EIF2AK4: variants seen among roughly 807,000 people sequenced by gnomAD.
The protein encoded by EIF2AK4 is eukaryotic translation initiation factor 2 alpha kinase 4, also known as eIF-2-alpha kinase GCN2.
A neutral mutation model predicts 211.1 loss-of-function variants in EIF2AK4; 139 were observed. The observed-to-expected ratio is 0.66, with a 90% CI of 0.57 to 0.76. EIF2AK4 has a LOEUF of 0.76. Among genes scored for constraint, EIF2AK4 ranks in the 30% least tolerant of loss-of-function variants. The pLI, the probability that EIF2AK4 is intolerant of heterozygous loss-of-function variation, is 0.00. For missense variants in EIF2AK4, 1,664 were observed against 2,043.8 expected (o/e 0.81, Z 3.58); for synonymous variants, 710 against 751.3 (o/e 0.94, Z 0.90).
At chr15:39,992,470 T>C in intron 17 of EIF2AK4, 2 of 535,382 alleles carry the variant, frequency 3.7e-6, no homozygotes, top group South Asian at 5.6e-5. Flanking sequence ...GGTAGACAGT[T>C]TTATTTTGTC....
At position 39,943,871 on chromosome 15, in the gene EIF2AK4, C is replaced by T. The variant is rs140560970; in HGVS notation, c.360+386C>T. 6.7e-3 allele frequency among the ~76,000 whole-genome samples: 1,013 copies of T among 152,092 alleles called. 7 individuals carry two copies. Among genetic ancestry groups the T allele is most frequent in the Admixed American group, 0.01 (158 of 15,274 alleles). On this transcript the variant is annotated intron_variant, in intron 3 of 38. Transcript: ENST00000263791. Reference sequence around the variant, plus strand: ...TCAGGAGGCTGAGGTGGGAGAATTGCGTGAGCCCAGGAGTTTGAGGTTACA... The same window carrying T: ...TCAGGAGGCTGAGGTGGGAGAATTGTGTGAGCCCAGGAGTTTGAGGTTACA...
At chr15:39,970,313 T>C (rs1253968990) in intron 9 of EIF2AK4, among the ~76,000 whole-genome samples, 1 of 152,228 alleles carries the variant, frequency 6.6e-6, no homozygotes, top group Non-Finnish European at 1.5e-5. Flanking sequence ...GCATTCTAGG[T>C]AGGCTGTAAC....
At chr15:39,992,259 A>T (rs771102747) in intron 17 of EIF2AK4, 30 bp downstream of exon 17, 2 of 1,577,276 alleles carry the variant, frequency 1.3e-6, no homozygotes, top group Admixed American at 3.5e-5. Context: ...TATTTCATCC[A>T]TGTGTTAAAG....
In EIF2AK4 at chr15:40,002,797, G is replaced by A. The variant is rs750428399; in HGVS notation, c.3235+9G>A. The stretch of plus-strand genomic sequence containing the variant: ...CATCTTTAAAAGACATGGTATGTAC[G>A]CCCTTTTTAAAAATGATATTTCTTC... On this transcript the variant is annotated intron_variant, in intron 22 of 38. Coordinates refer to ENST00000263791, the MANE Select transcript of EIF2AK4 (RefSeq NM_001013703.4). The A allele has an allele frequency of 2.0e-5, 32 of 1,613,580 alleles. No homozygotes were observed. Among genetic ancestry groups the A allele is most frequent in the Middle Eastern group, 1.6e-4 (1 of 6,084 alleles).
At position 40,002,473 on chromosome 15, in the gene EIF2AK4, G is replaced by A. The variant is rs2035106124; in HGVS notation, c.3160-240G>A. 3.1e-5 allele frequency: 14 copies of A among 445,950 alleles called. 1 individual carries two copies. In the South Asian group the frequency reaches 3.4e-4, roughly 11 times the overall value. 27.6% of individuals were successfully genotyped at this position (445,950 alleles called of 1,614,324 possible). A position where few individuals can be genotyped will look rare whatever the true frequency, so the allele number is the denominator to read the frequency against. On this transcript the variant is annotated intron_variant, in intron 21 of 38. Coordinates refer to ENST00000263791, the MANE Select transcript of EIF2AK4 (RefSeq NM_001013703.4). ...CAAATATCAATGTGGCCAAGAATTT[G>A]GACTTTGAACCCAGGCATCCTTCCC... is the stretch of plus-strand genomic sequence containing the variant.
At chr15:39,967,906 T>G (rs535253036) in intron 9 of EIF2AK4, 27 bp downstream of exon 9, 1 of 1,607,030 alleles carries the variant, frequency 6.2e-7, no homozygotes, top group Non-Finnish European at 8.5e-7. Flanking sequence ...TTCTCTCTAA[T>G]AGCACTTTAC....
At chr15:40,024,111 TTCA>T (rs1323844442) in intron 32 of EIF2AK4, among the ~76,000 whole-genome samples, 1 of 152,242 alleles carries the variant, frequency 6.6e-6, no homozygotes, top group Non-Finnish European at 1.5e-5. Flanking sequence ...ATGAATTGTC[TTCA>T]TCATTATAAA....
intron 4 of EIF2AK4, chr15:39,951,618 CG>C (rs1225223352): frequency 3.9e-6 from 1 of 253,998 alleles, no homozygotes; most frequent in African/African-American, 2.3e-5. Flanking sequence ...CTTGTGGTAA[CG>C]TCTAATTTCA....
At chr15:39,954,944 T>C (rs752435420) in intron 5 of EIF2AK4, among the ~76,000 whole-genome samples, 4 of 152,238 alleles carry the variant, frequency 2.6e-5, no homozygotes, top group Non-Finnish European at 4.4e-5. Flanking sequence ...TCTGTGACTC[T>C]CTTTACTTGT....
chr15:39,973,706 A>C lies in EIF2AK4; in HGVS notation c.1775A>C (p.Glu592Ala). 6.2e-7 allele frequency: 1 copy of C among 1,614,162 alleles called. No homozygotes were observed. The highest frequency in any genetic ancestry group is 8.5e-7 in the Non-Finnish European group (1 of 1,179,998). Residue 592 changes from glutamate (E) to alanine (A), a missense_variant, in exon 11 of 39, where the codon GAA becomes GCA. By Grantham distance (107) the Glu-to-Ala change is moderately radical (BLOSUM62 -1). Transcript: ENST00000263791. ...QFSRYFIEFE[E>A]LQLLGKGAFG... ...TCCCGATACTTCATTGAGTTTGAAG[A>C]ATTACAACTTCTTGGTAAAGGAGCT...
intron 37 of EIF2AK4, among the ~76,000 whole-genome samples, chr15:40,033,267 G>A (rs8042637): frequency 0.038 from 5,767 of 152,122 alleles, 376 homozygotes; most frequent in African/African-American, 0.13. Flanking sequence ...TAGCAGAATC[G>A]GTGTTCTTAA....
In EIF2AK4 at chr15:39,976,593, G is replaced by A. The variant is rs766423325; in HGVS notation, c.1998G>A (p.Gly666=). The A allele has an allele frequency of 1.2e-6, 2 of 1,610,110 alleles. No individual in the cohort carries two copies. The highest frequency in any genetic ancestry group is 2.2e-5 in the South Asian group (2 of 90,808). The change falls in exon 12 of 39, where the codon GGG becomes GGA. Residue 666 remains glycine (G), a synonymous_variant. Coordinates refer to ENST00000263791, the MANE Select transcript of EIF2AK4 (RefSeq NM_001013703.4). ...IERHERPAGP[G]TPPPDSGPLA... is the part of the protein sequence containing the mutation. The stretch of plus-strand genomic sequence containing the variant: ...GGCACGAGCGGCCGGCGGGACCGGG[G>A]ACGCCGCCCCCGGACTCCGGGCCCC...
At chr15:39,961,482 T>C (rs1462741989) in intron 6 of EIF2AK4, among the ~76,000 whole-genome samples, 2 of 152,226 alleles carry the variant, frequency 1.3e-5, no homozygotes, top group African/African-American at 4.8e-5. Context: ...AGCTGAATTT[T>C]CAGTTTTATT....
chr15:39,952,507 C>G (rs766802436), intron 4 of EIF2AK4, among the ~76,000 whole-genome samples: 1 of 152,126 alleles, frequency 6.6e-6, no homozygotes, highest in Non-Finnish European at 1.5e-5. Context: ...AACTCCTGGG[C>G]TCAACCAATC....
At chr15:39,993,292 A>G (rs1224456470) in intron 18 of EIF2AK4, among the ~76,000 whole-genome samples, 5 of 152,348 alleles carry the variant, frequency 3.3e-5, no homozygotes, top group Admixed American at 3.3e-4. Context: ...TGCCAGGAAC[A>G]GATGTGGCTC....
Position 39,972,933 on chromosome 15 carries a change from A to G in EIF2AK4, c.1579A>G (p.Arg527Gly). Residue 527 changes from arginine (R) to glycine (G), a missense_variant, in exon 10 of 39, where the codon AGA becomes GGA. Around this residue, in one of 7 missense-constraint regions of EIF2AK4, gnomAD observed 641 missense variants for 729.6 expected, o/e 0.88. Transcript: ENST00000263791. The stretch of plus-strand genomic sequence containing the variant: ...ATGTGTGTGCTTGGATGACAAGGAA[A>G]GATGGAGTCCCCAGCAGTTGTTGAA... ...KKCVCLDDKE[R>G]WSPQQLLKHS... The G allele has an allele frequency of 6.2e-7, 1 of 1,613,996 alleles. No individual in the cohort carries two copies. Among genetic ancestry groups the G allele is most frequent in the Non-Finnish European group, 8.5e-7 (1 of 1,179,988 alleles).
In EIF2AK4 at chr15:39,987,843, G is replaced by A. The variant is rs190495196; in HGVS notation, c.2404-140G>A. 153 of 864,558 alleles carry A rather than the reference G, an allele frequency of 1.8e-4. 1 individual carries two copies. The highest frequency in any genetic ancestry group is 1.8e-3 in the African/African-American group (104 of 59,234). 53.6% of individuals were successfully genotyped at this position (864,558 alleles called of 1,614,324 possible). ...TTTTAATACTGTTGGTTTCTTTTTC[G>A]TGTAGAAAACCAAGTCTTTCCCCTA... On this transcript the variant is annotated intron_variant, in intron 14 of 38. Transcript: ENST00000263791.
intron 28 of EIF2AK4, 80 bp from the exon 29 acceptor site, chr15:40,017,028 G>T: frequency 1.3e-6 from 2 of 1,548,524 alleles, no homozygotes; most frequent in South Asian, 2.3e-5. Flanking sequence ...GCTATTGATG[G>T]GAAACACCAT....
At position 39,961,871 on chromosome 15, in the gene EIF2AK4, G is replaced by C. The variant is rs1043663036; in HGVS notation, c.831G>C (p.Gln277His). 3.7e-6 allele frequency: 6 copies of C among 1,613,876 alleles called. No individual in the cohort carries two copies. The African/African-American group carries it at 8.0e-5, about 22-fold the overall frequency. The change falls in exon 7 of 39, where the codon CAG (glutamine) becomes CAC (histidine). Residue 277 changes from glutamine (Q) to histidine (H), a missense_variant. Physicochemically the swap from Gln to His is conservative, Grantham distance 24. This residue lies in a region of EIF2AK4 where 641 missense variants were observed against 729.6 expected (regional missense o/e 0.88). Coordinates refer to ENST00000263791, the MANE Select transcript of EIF2AK4 (RefSeq NM_001013703.4). ...ATTTCAATATGGGGAGTCCTGATCA[G>C]CTCATGGTGCACAAAGGGAAATGTA... ...ILYFNMGSPD[Q>H]LMVHKGKCIG...
Sources: allele counts gnomAD v4.1 joint callset (sites outside exome capture counted in the v4.1 genomes callset), GRCh38; gene constraint gnomAD v4.1.1; regional missense constraint gnomAD v4.1.1; transcripts MANE v1.5; gene names NCBI Gene and HGNC (gene_info 2026-07-23, HGNC 2026-07-21).